Variants in MLIP observed in about 807,000 individuals in gnomAD.
MLIP encodes the protein muscular LMNA-interacting protein.
In MLIP, 79 loss-of-function variants were observed where a neutral mutation model predicts 84.8. That is an observed-to-expected ratio of 0.93 (90% CI 0.78 to 1.12). The LOEUF is 1.12. MLIP is among the 50% of genes most tolerant of loss of function. The pLI, the probability that MLIP is intolerant of heterozygous loss-of-function variation, is 0.00. For missense variants in MLIP, 1,257 were observed against 1,160.6 expected, an observed-to-expected ratio of 1.08 and a Z score of -1.21; for synonymous variants, 504 against 463.0, an observed-to-expected ratio of 1.09 and a Z score of -1.14.
At chr6:54,079,134 C>T (rs911496021) in intron 1 of MLIP, among the ~76,000 whole-genome samples, 14 of 152,142 alleles carry the variant, frequency 9.2e-5, no homozygotes, top group African/African-American at 3.1e-4. Context: ...TTGAATGAGG[C>T]ATCCTAATAT....
At chr6:54,098,471 C>G (rs1189219979) in intron 1 of MLIP, among the ~76,000 whole-genome samples, 1 of 151,236 alleles carries the variant, frequency 6.6e-6, no homozygotes, top group African/African-American at 2.4e-5. Flanking sequence ...TCGGCTGGGT[C>G]TTTCTCTTGA....
chr6:54,247,236 T>G (rs1489743350), intron 12 of MLIP, among the ~76,000 whole-genome samples: 1 of 152,180 alleles, frequency 6.6e-6, no homozygotes, highest in Non-Finnish European at 1.5e-5. Flanking sequence ...GATCTCACTC[T>G]GGGATGGCTG....
At chr6:54,238,688 A>G (rs1290055064) in intron 12 of MLIP, among the ~76,000 whole-genome samples, 6 of 152,206 alleles carry the variant, frequency 3.9e-5, no homozygotes, top group African/African-American at 1.4e-4. Context: ...TTCCTAAGCA[A>G]GAAGGCTCTA....
chr6:54,098,090 G>T (rs1026071337), intron 1 of MLIP, among the ~76,000 whole-genome samples: 15 of 151,320 alleles, frequency 9.9e-5, no homozygotes, highest in Non-Finnish European at 1.9e-4. Context: ...ATGGAGGAGA[G>T]ACCTCAGGCA....
chr6:54,083,437 A>G, intron 1 of MLIP: 1 of 1,504,332 alleles, frequency 6.6e-7, no homozygotes, highest in South Asian at 1.3e-5. Context: ...TAATTTGTAC[A>G]GTGCTTTGTC....
At chr6:54,059,779 A>G (rs532982818) in intron 1 of MLIP, among the ~76,000 whole-genome samples, 1 of 110,872 alleles carries the variant, frequency 9.0e-6, no homozygotes, top group Admixed American at 9.7e-5. Flanking sequence ...GGATATGTAA[A>G]GAGAAAAAGA....
In MLIP at chr6:54,095,393, T is replaced by C. The variant is rs913058526; in HGVS notation, c.64-26054T>C. 2.1e-4 allele frequency among the ~76,000 whole-genome samples: 32 copies of C among 152,150 alleles called. 1 individual carries two copies. The highest frequency in any genetic ancestry group is 1.8e-3 in the Admixed American group (28 of 15,268). On this transcript the variant is annotated intron_variant, in intron 1 of 12. Coordinates refer to the MLIP transcript ENST00000274897. Reference sequence around the variant, plus strand: ...CAGCTAACCCACCTTAGACTGACTTTTCATTTATTTTCATTATTTTAAAAA... The same window carrying C: ...CAGCTAACCCACCTTAGACTGACTTCTCATTTATTTTCATTATTTTAAAAA...
At chr6:54,059,862 T>C (rs527651336) in intron 1 of MLIP, among the ~76,000 whole-genome samples, 9 of 152,270 alleles carry the variant, frequency 5.9e-5, no homozygotes, top group African/African-American at 9.6e-5. Context: ...CACTCTATTA[T>C]ACTGGCTAAA....
At chr6:54,250,361 A>G (rs1782386256) in intron 12 of MLIP, among the ~76,000 whole-genome samples, 1 of 152,050 alleles carries the variant, frequency 6.6e-6, no homozygotes, top group Non-Finnish European at 1.5e-5. Context: ...ATTACTGGGT[A>G]TTTACCCAAA....
chr6:54,149,222 G>T (rs962764749), intron 5 of MLIP, 95 bp downstream of exon 5: 3 of 1,117,368 alleles, frequency 2.7e-6, no homozygotes, highest in Non-Finnish European at 4.0e-6. Flanking sequence ...CTGTTTTAAA[G>T]TTCTGCCTTT....
At chr6:54,117,972 AC>A (rs1770102132) in intron 1 of MLIP, among the ~76,000 whole-genome samples, 1 of 56,888 alleles carries the variant, frequency 1.8e-5, no homozygotes, top group Non-Finnish European at 3.4e-5. Flanking sequence ...AACAACAGCA[AC>A]AACAACAACA....
Position 54,138,068 on chromosome 6 carries a change from C to A in MLIP, c.1999C>A (p.Leu667Met), listed in dbSNP as rs1316566592. The A allele has an allele frequency of 2.0e-6, 3 of 1,536,196 alleles. No individual in the cohort carries two copies. The highest frequency in any genetic ancestry group is 2.0e-5 in the Admixed American group (1 of 51,000). ...GTCCTCCTCTCTCCCTCATGCCAAT[C>A]TGCCCACCCTGGTGCCCCAGCTCAG... ...LRSSSLPHAN[L>M]PTLVPQLSPS... Residue 667 changes from leucine to methionine, a missense_variant, in exon 4 of 14, where the codon CTG (leucine) becomes ATG (methionine). Physicochemically the swap from Leu to Met is conservative, Grantham distance 15. Coordinates refer to ENST00000502396, the MANE Select transcript of MLIP (RefSeq NM_001281747.2).
At chr6:54,236,705 T>C (rs1217973945) in intron 12 of MLIP, among the ~76,000 whole-genome samples, 1 of 152,228 alleles carries the variant, frequency 6.6e-6, no homozygotes, top group Non-Finnish European at 1.5e-5. Flanking sequence ...AAATGGCCCC[T>C]AAGCATAGTG....
At position 54,124,816 on chromosome 6, in the gene MLIP, C is replaced by G; in HGVS notation, c.596C>G (p.Ser199Ter). The G allele has an allele frequency of 6.2e-7, 1 of 1,611,780 alleles. No individual in the cohort carries two copies. The highest frequency in any genetic ancestry group is 2.2e-5 in the East Asian group (1 of 44,864). ...CAGGGGACTGATCTCAAGACCTCAT[C>G]ACATCCTGAAATGCTTCATGGGATG... ...KTQGTDLKTS[S>*]HPEMLHGMAP... The change falls in exon 3 of 14, where the codon TCA (serine) becomes TGA (stop). Residue 199 changes from serine to a stop codon, truncating the protein, a stop_gained. Transcript: ENST00000502396. LOFTEE classifies it high-confidence loss of function.
At chr6:54,030,813 G>A (rs1227650352) in intron 1 of MLIP, among the ~76,000 whole-genome samples, 1 of 151,930 alleles carries the variant, frequency 6.6e-6, no homozygotes, top group African/African-American at 2.4e-5. Flanking sequence ...CCTACCTACA[G>A]GCCAGATAAT....
intron 2 of MLIP, among the ~76,000 whole-genome samples, chr6:54,122,341 A>T (rs1381129613): frequency 6.6e-6 from 1 of 152,212 alleles, no homozygotes; most frequent in Non-Finnish European, 1.5e-5. Context: ...CTGTGTTCAT[A>T]TCTTGATTGT....
chr6:54,126,912 C>T (rs1770967064), intron 3 of MLIP, among the ~76,000 whole-genome samples: 1 of 152,118 alleles, frequency 6.6e-6, no homozygotes, highest in South Asian at 2.1e-4. Flanking sequence ...AATGTCTTCA[C>T]TTCTTAGTCT....
At chr6:54,260,278 CAA>C (rs57668007) in intron 13 of MLIP, among the ~76,000 whole-genome samples, 7,163 of 148,348 alleles carry the variant, frequency 0.048, 543 homozygotes, top group African/African-American at 0.17. Context: ...GGAACTAACT[CAA>C]AAAAAAAAAT....
intron 1 of MLIP, among the ~76,000 whole-genome samples, chr6:54,114,679 A>T (rs1421528801): frequency 6.6e-6 from 1 of 152,166 alleles, no homozygotes; most frequent in Admixed American, 6.5e-5. Flanking sequence ...TTGTTTATTT[A>T]TTTGTCTACT....
Sources: allele counts gnomAD v4.1 joint callset (sites outside exome capture counted in the v4.1 genomes callset), GRCh38; gene constraint gnomAD v4.1.1; transcripts MANE v1.5; gene names NCBI Gene and HGNC (gene_info 2026-07-23, HGNC 2026-07-21).